Variants in ZNF804B observed in about 807,000 individuals in gnomAD.
The protein encoded by ZNF804B is zinc finger 804B.
Under a neutral mutation model 101.4 loss-of-function variants are expected in ZNF804B, and 80 were observed. That is an observed-to-expected ratio of 0.79 (90% CI 0.66 to 0.95). The LOEUF is 0.95. Ranked by LOEUF, ZNF804B falls within the 40% of genes least tolerant of loss-of-function variation. The pLI is 0.00. For missense variants in ZNF804B, 1,673 were observed against 1,561.9 expected (o/e 1.07, Z -1.20); for synonymous variants, 622 against 558.8 (o/e 1.11, Z -1.59).
At chr7:88,807,711 G>T (rs894559288) in intron 1 of ZNF804B, among the ~76,000 whole-genome samples, 2 of 152,092 alleles carry the variant, frequency 1.3e-5, no homozygotes, top group Non-Finnish European at 2.9e-5. Context: ...GTCTCAAGCT[G>T]TAACTCTTCT....
At chr7:88,870,400 A>AAAAAAAAAAAAG (rs781332488) in intron 1 of ZNF804B, among the ~76,000 whole-genome samples, 4 of 112,726 alleles carry the variant, frequency 3.5e-5, no homozygotes, top group Non-Finnish European at 5.4e-5. Flanking sequence ...AAAAAAAAAA[A>AAAAAAAAAAAAG]AAAAAAAGGT....
At chr7:89,110,734 T>A (rs1790203516) in intron 1 of ZNF804B, among the ~76,000 whole-genome samples, 1 of 152,184 alleles carries the variant, frequency 6.6e-6, no homozygotes, top group Admixed American at 6.5e-5. Flanking sequence ...ATAGTTTACA[T>A]CGGGTTTCAG....
rs1562899628 is a variant in ZNF804B, at chr7:89,156,016, TTTC to T, written c.109-62138_109-62136del. 6.0e-3 allele frequency among the ~76,000 whole-genome samples: 508 copies of T among 84,002 alleles called. 5 individuals carry two copies. The highest frequency in any genetic ancestry group is 0.031 in the East Asian group (110 of 3,538). 55.1% of individuals were successfully genotyped at this position (84,002 alleles called of 152,430 possible). On this transcript the variant is annotated intron_variant, in intron 1 of 3. Transcript: ENST00000333190. ...CCTTCTTTCTTTCTTTCTTTCTCTC[TTTC>T]CTTTCTTTCTTTCTTTCTTTCTTTC... is the stretch of plus-strand genomic sequence containing the variant.
chr7:88,961,337 T>C (rs186299378), intron 1 of ZNF804B, among the ~76,000 whole-genome samples: 2 of 151,440 alleles, frequency 1.3e-5, no homozygotes, highest in East Asian at 3.9e-4. Context: ...CATCATTCAC[T>C]AATCTTTAAC....
intron 1 of ZNF804B, among the ~76,000 whole-genome samples, chr7:89,072,627 A>G (rs1184034196): frequency 6.6e-6 from 1 of 152,128 alleles, no homozygotes; most frequent in Non-Finnish European, 1.5e-5. Flanking sequence ...TAAATATTCT[A>G]TGCAAAATGA....
intron 1 of ZNF804B, among the ~76,000 whole-genome samples, chr7:88,826,183 T>C (rs1791048412): frequency 6.6e-6 from 1 of 152,168 alleles, no homozygotes; most frequent in African/African-American, 2.4e-5. Context: ...CATGAATAAA[T>C]TCAATAATTT....
intron 1 of ZNF804B, among the ~76,000 whole-genome samples, chr7:88,963,973 T>A (rs1453336567): frequency 6.6e-6 from 1 of 151,356 alleles, no homozygotes; most frequent in Non-Finnish European, 1.5e-5. Flanking sequence ...ACCTTACAAC[T>A]ATTAATATGG....
rs869050718 is a variant in ZNF804B, at chr7:88,898,073, C to CTTT, written c.108+138018_108+138020dup. Among the ~76,000 whole-genome samples the CTTT allele has an allele frequency of 6.2e-3, 349 of 56,612 alleles. 40 individuals carry two copies. Among genetic ancestry groups the CTTT allele is most frequent in the Non-Finnish European group, 8.5e-3 (284 of 33,374 alleles). 37.1% of individuals were successfully genotyped at this position (56,612 alleles called of 152,430 possible). On this transcript the variant is annotated intron_variant, in intron 1 of 3. Coordinates refer to ENST00000333190, the MANE Select transcript of ZNF804B (RefSeq NM_181646.5). ...CCTCCTTCCTATATTACTTCTCCAT[C>CTTT]TTTTTTTTTTTTTTTTTTTTTTTTT...
chr7:88,792,077 A>G (rs1321518072), intron 1 of ZNF804B, among the ~76,000 whole-genome samples: 5 of 152,100 alleles, frequency 3.3e-5, no homozygotes, highest in African/African-American at 9.7e-5. Context: ...TAGTGTTTGA[A>G]TTCCAGGAGC....
At chr7:89,015,533 G>A (rs1479600503) in intron 1 of ZNF804B, among the ~76,000 whole-genome samples, 15 of 149,462 alleles carry the variant, frequency 1.0e-4, no homozygotes, top group Non-Finnish European at 2.2e-4. Context: ...TCCCCTTCCT[G>A]TGTCCATGTG....
chr7:88,896,454 G>A (rs143167773), intron 1 of ZNF804B, among the ~76,000 whole-genome samples: 215 of 152,178 alleles, frequency 1.4e-3, no homozygotes, highest in Non-Finnish European at 2.4e-3. Flanking sequence ...TTCTGGCAGG[G>A]GAGGGAAAGA....
chr7:89,021,038 T>C (rs1788658768), intron 1 of ZNF804B, among the ~76,000 whole-genome samples: 2 of 152,148 alleles, frequency 1.3e-5, no homozygotes, highest in Admixed American at 1.3e-4. Flanking sequence ...TTTTAATATC[T>C]GAGGCATCCC....
rs113965451 is a variant in ZNF804B, at chr7:89,254,078, G to C, written c.249+35783G>C. 2.4e-3 allele frequency among the ~76,000 whole-genome samples: 370 copies of C among 152,058 alleles called. 3 individuals are homozygous for C. The highest frequency in any genetic ancestry group is 8.6e-3 in the African/African-American group (358 of 41,512). ...AACCTTCTTTTAAAATTGTGAACAAGAAACAAGTCAGTGGAAAGTTTCTGT... is the reference window on the plus strand; with the variant it reads ...AACCTTCTTTTAAAATTGTGAACAACAAACAAGTCAGTGGAAAGTTTCTGT... On this transcript the variant is annotated intron_variant, in intron 2 of 3. Transcript: ENST00000333190.
chr7:88,782,062 C>T (rs966440829), intron 1 of ZNF804B, among the ~76,000 whole-genome samples: 1 of 151,206 alleles, frequency 6.6e-6, no homozygotes, highest in African/African-American at 2.4e-5. Context: ...CTTTCTACAC[C>T]AATTTGTAAG....
chr7:88,859,511 G>C (rs1157428361), intron 1 of ZNF804B, among the ~76,000 whole-genome samples: 1 of 152,000 alleles, frequency 6.6e-6, no homozygotes, highest in South Asian at 2.1e-4. Context: ...TTTATTTGGG[G>C]AATAAGAATA....
intron 1 of ZNF804B, among the ~76,000 whole-genome samples, chr7:89,082,755 T>G (rs1414476170): frequency 2.0e-5 from 3 of 151,774 alleles, no homozygotes; most frequent in Non-Finnish European, 3.0e-5. Flanking sequence ...GTAGCTATCA[T>G]TTGCATGGTA....
chr7:88,957,503 G>C (rs1793327880), intron 1 of ZNF804B, among the ~76,000 whole-genome samples: 1 of 151,182 alleles, frequency 6.6e-6, no homozygotes, highest in Non-Finnish European at 1.5e-5. Context: ...TTTCTTTCAT[G>C]CAGAGATTAT....
intron 1 of ZNF804B, among the ~76,000 whole-genome samples, chr7:88,813,471 G>A (rs891001923): frequency 1.3e-5 from 2 of 151,170 alleles, no homozygotes; most frequent in Non-Finnish European, 3.0e-5. Flanking sequence ...CTCTGTGTGC[G>A]GTTTGCTAAA....
intron 1 of ZNF804B, chr7:88,794,054 T>A (rs1790428147): frequency 1.5e-6 from 1 of 678,452 alleles, no homozygotes; most frequent in African/African-American, 1.8e-5. Flanking sequence ...TAAAGATTAA[T>A]ATATTACCTC....
Sources: gnomAD v4.1 joint callset for allele counts (sites outside exome capture counted in the v4.1 genomes callset) on GRCh38, gnomAD v4.1.1 for gene constraint, MANE v1.5 for transcripts, NCBI Gene and HGNC (gene_info 2026-07-23, HGNC 2026-07-21) for gene names.